Variants in ADGRG1 observed in about 807,000 individuals in gnomAD.
ADGRG1 encodes adhesion G protein-coupled receptor G1.
A neutral mutation model predicts 73.5 loss-of-function variants in ADGRG1; 53 were observed. The observed-to-expected ratio is 0.72, with a 90% CI of 0.58 to 0.91. The LOEUF (loss-of-function observed/expected upper bound fraction) is 0.91. Ranked by LOEUF, ADGRG1 falls within the 40% of genes least tolerant of loss-of-function variation. The pLI, the probability that ADGRG1 is intolerant of heterozygous loss-of-function variation, is 0.00. For missense variants in ADGRG1, 795 were observed against 871.8 expected, an observed-to-expected ratio of 0.91 and a Z score of 1.11; for synonymous variants, 394 against 374.4, an observed-to-expected ratio of 1.05 and a Z score of -0.60.
intron 1 of ADGRG1, among the ~76,000 whole-genome samples, chr16:57,644,903 CAT>C (rs1180894376): frequency 3.5e-5 from 5 of 143,178 alleles, no homozygotes; most frequent in African/African-American, 1.0e-4. Flanking sequence ...CACACACACT[CAT>C]CACTTCATAA....
intron 1 of ADGRG1, among the ~76,000 whole-genome samples, chr16:57,649,789 T>A (rs891341634): frequency 3.3e-5 from 5 of 151,976 alleles, no homozygotes; most frequent in African/African-American, 9.7e-5. Context: ...CCCGCCTTTT[T>A]TTTTTTAAAG....
chr16:57,644,008 TA>T (rs1203619147), intron 1 of ADGRG1: 4 of 984,888 alleles, frequency 4.1e-6, no homozygotes, highest in Non-Finnish European at 4.8e-6. Context: ...TTACTTTTAT[TA>T]AAAAAGTTTG....
intron 12 of ADGRG1, 60 bp from the exon 13 acceptor site, chr16:57,661,637 C>CGCTG: frequency 6.4e-7 from 1 of 1,569,258 alleles, no homozygotes; most frequent in Non-Finnish European, 8.6e-7. Context: ...ATGACAACCA[C>CGCTG]AGCCCAGGAA....
chr16:57,631,860 C>T, intron 1 of ADGRG1: 17 of 981,138 alleles, frequency 1.7e-5, no homozygotes, highest in Non-Finnish European at 1.9e-5. Flanking sequence ...CAGGGGAGCC[C>T]TGTAGATTCT....
Position 57,659,424 on chromosome 16 carries a change from G to T in ADGRG1, c.1298G>T (p.Arg433Leu). 1.2e-6 allele frequency: 2 copies of T among 1,613,704 alleles called. No homozygotes were observed. The highest frequency in any genetic ancestry group is 8.5e-7 in the Non-Finnish European group (1 of 1,179,980). The change falls in exon 11 of 14, where the codon CGG (arginine) becomes CTG (leucine). Residue 433 changes from arginine (R) to leucine (L), a missense_variant. Transcript: ENST00000562631. ...CCCCTGCCGTGCAGGAGGAAACCTCGGGACTACACCATCAAGGTGCACATG... is the reference window on the plus strand; with the variant it reads ...CCCCTGCCGTGCAGGAGGAAACCTCTGGACTACACCATCAAGGTGCACATG... ...AAYLCSRRKP[R>L]DYTIKVHMNL...
rs1358472223 is a variant in ADGRG1 at position 57,644,155 on chromosome 16, A to C, written c.-35-6098A>C. On this transcript the variant is annotated intron_variant, in intron 1 of 13. Coordinates refer to ENST00000562631, the MANE Select transcript of ADGRG1 (RefSeq NM_201525.4). Reference sequence around the variant, plus strand: ...AGCTTTGAAGTCTGTTCCTCTGAGGAGCTCCCCGCCTTCTCTTGCTTTCTC... The same window carrying C: ...AGCTTTGAAGTCTGTTCCTCTGAGGCGCTCCCCGCCTTCTCTTGCTTTCTC... 3.0e-6 allele frequency: 3 copies of C among 984,170 alleles called. No homozygotes were observed. The African/African-American group carries it at 5.3e-5, about 17-fold the overall frequency. The allele number at this position is 984,170 out of a possible 1,614,324, so 61.0% of individuals were successfully genotyped here. A position where few individuals can be genotyped will look rare whatever the true frequency, so the allele number is the denominator to read the frequency against.
intron 1 of ADGRG1, chr16:57,642,672 G>T (rs2041153962): frequency 2.0e-6 from 2 of 983,862 alleles, no homozygotes; most frequent in African/African-American, 3.5e-5. Context: ...CTCCCTGAAA[G>T]TGCTTTGGCA....
chr16:57,626,695 T>C (rs138091530), upstream of ADGRG1: 709 of 985,294 alleles, frequency 7.2e-4, 6 homozygotes, highest in African/African-American at 0.011. Flanking sequence ...GCCCTTCTGG[T>C]CAGCACGCTC....
chr16:57,634,653 T>G, intron 1 of ADGRG1: 1 of 198,822 alleles, frequency 5.0e-6, no homozygotes, highest in Non-Finnish European at 9.0e-6. Context: ...CAGATGGCCA[T>G]TCCCATGATA....
intron 1 of ADGRG1, chr16:57,634,601 C>T (rs2038894751): frequency 2.4e-6 from 1 of 416,186 alleles, no homozygotes; most frequent in Non-Finnish European, 3.2e-6. Context: ...AGCCCGAACC[C>T]AGTCTCCTGC....
At chr16:57,645,416 C>T (rs1405241357) in intron 1 of ADGRG1, 1 of 740,318 alleles carries the variant, frequency 1.4e-6, no homozygotes, top group African/African-American at 2.2e-5. Flanking sequence ...TGATGTCTTT[C>T]AGGAAGCCCC....
intron 1 of ADGRG1, among the ~76,000 whole-genome samples, chr16:57,649,215 C>T (rs3859053): frequency 0.035 from 5,307 of 152,256 alleles, 212 homozygotes; most frequent in East Asian, 0.12. Flanking sequence ...TGATAGGAAG[C>T]GCCCTTCCCC....
upstream of ADGRG1, chr16:57,624,612 G>T (rs2035485364): frequency 2.4e-6 from 1 of 414,494 alleles, no homozygotes; most frequent in Non-Finnish European, 3.2e-6. Flanking sequence ...AAATGCTGCT[G>T]CTCTGGCCAG....
At chr16:57,650,064 C>T in intron 1 of ADGRG1, 189 bp from the exon 2 acceptor site, 13 of 917,110 alleles carry the variant, frequency 1.4e-5, no homozygotes, top group Non-Finnish European at 1.7e-5. Context: ...AGACATAAGT[C>T]ACCACGCCTG....
chr16:57,635,740 G>C (rs534449745), intron 1 of ADGRG1: 1 of 985,222 alleles, frequency 1.0e-6, no homozygotes, highest in Non-Finnish European at 1.2e-6. Flanking sequence ...TCTCCATGTC[G>C]TTGCCAGGGC....
At chr16:57,648,450 C>T in intron 1 of ADGRG1, 1 of 981,450 alleles carries the variant, frequency 1.0e-6, no homozygotes, top group Non-Finnish European at 1.2e-6. Flanking sequence ...TGACCTACGA[C>T]TGAACTGACA....
chr16:57,647,378 A>G (rs2042950197), intron 1 of ADGRG1: 4 of 983,546 alleles, frequency 4.1e-6, no homozygotes, highest in African/African-American at 1.7e-5. Flanking sequence ...AGGGGGAAAC[A>G]GGGAGGAGGG....
intron 12 of ADGRG1, 78 bp from the exon 13 acceptor site, chr16:57,661,619 A>G: frequency 6.4e-7 from 1 of 1,551,272 alleles, no homozygotes; most frequent in Non-Finnish European, 8.7e-7. Flanking sequence ...ATAATCCTGA[A>G]AACAAACATG....
intron 1 of ADGRG1, chr16:57,631,441 C>T: frequency 4.1e-6 from 4 of 985,266 alleles, no homozygotes; most frequent in Non-Finnish European, 4.8e-6. Context: ...CCCAGGGAGG[C>T]CATGGAGGAG....
Sources: allele counts gnomAD v4.1 joint callset (sites outside exome capture counted in the v4.1 genomes callset), GRCh38; gene constraint gnomAD v4.1.1; transcripts MANE v1.5; gene names NCBI Gene and HGNC (gene_info 2026-07-23, HGNC 2026-07-21).